The following GRID1 variants were observed in gnomAD, a reference collection of about 807,000 sequenced individuals.
The protein encoded by GRID1 is glutamate receptor ionotropic, delta-1.
Under a neutral mutation model 98.0 loss-of-function variants are expected in GRID1, and 28 were observed. The observed-to-expected ratio is 0.29, with a 90% CI of 0.21 to 0.39. The LOEUF (loss-of-function observed/expected upper bound fraction) is 0.39, where lower values mean the gene tolerates loss of function less well. GRID1 is among the 10% of genes least tolerant of loss of function. The pLI is 1.00. For synonymous variants in GRID1, 553 were observed against 538.5 expected, an observed-to-expected ratio of 1.03 and a Z score of -0.37; for missense variants, 1,111 against 1,340.5, an observed-to-expected ratio of 0.83 and a Z score of 2.67.
chr10:85,949,991 G>C (rs1007294750), intron 4 of GRID1, among the ~76,000 whole-genome samples: 2 of 152,038 alleles, frequency 1.3e-5, no homozygotes, highest in East Asian at 3.9e-4. Context: ...TGGATAGATG[G>C]GTGACTGGAT....
chr10:85,648,581 C>G (rs1843226631), intron 12 of GRID1, among the ~76,000 whole-genome samples: 1 of 152,200 alleles, frequency 6.6e-6, no homozygotes, highest in Admixed American at 6.5e-5. Flanking sequence ...CCTCCATCTT[C>G]CGGTCTCATC....
chr10:86,275,519 A>G (rs976518732), intron 2 of GRID1, among the ~76,000 whole-genome samples: 1 of 152,168 alleles, frequency 6.6e-6, no homozygotes. Context: ...TGGACAAAGA[A>G]CTAAAGAAAA....
chr10:86,045,237 T>C (rs1050395106), intron 4 of GRID1, among the ~76,000 whole-genome samples: 1 of 152,214 alleles, frequency 6.6e-6, no homozygotes, highest in Non-Finnish European at 1.5e-5. Context: ...CCCAGGGTTA[T>C]GCAACTATTA....
chr10:85,647,068 C>T (rs1185638734), intron 13 of GRID1, 134 bp downstream of exon 13: 15 of 712,036 alleles, frequency 2.1e-5, no homozygotes, highest in Middle Eastern at 4.1e-4. Flanking sequence ...ACCTAAAGAA[C>T]GTGTGCGATG....
chr10:85,908,852 C>G (rs1021248996), intron 5 of GRID1, among the ~76,000 whole-genome samples: 2 of 152,034 alleles, frequency 1.3e-5, no homozygotes, highest in South Asian at 2.1e-4. Flanking sequence ...AAAAATAGAT[C>G]AATGGAATAG....
rs1554843480 is a variant in GRID1, at chr10:85,972,453, A to ATGTATATATTTATATAAATATAT, written c.727-56237_727-56215dup. 9.5e-5 allele frequency among the ~76,000 whole-genome samples: 14 copies of ATGTATATATTTATATAAATATAT among 148,078 alleles called. No homozygotes were observed. In the South Asian group the frequency reaches 1.3e-3, roughly 13 times the overall value. The stretch of plus-strand genomic sequence containing the variant: ...ATATTTATATAACTATATTAAATAT[A>ATGTATATATTTATATAAATATAT]TGTATATATTTATATAAATATATTA... On this transcript the variant is annotated intron_variant, in intron 4 of 15. Transcript: ENST00000327946.
At position 86,255,398 on chromosome 10, in the gene GRID1, G is replaced by A. The variant is rs113704117; in HGVS notation, c.236-48750C>T. 2.0e-3 allele frequency among the ~76,000 whole-genome samples: 309 copies of A among 152,282 alleles called. 2 individuals carry two copies. The highest frequency in any genetic ancestry group is 6.9e-3 in the African/African-American group (288 of 41,554). The stretch of plus-strand genomic sequence containing the variant: ...GAGTGCAGCACAACTTGGAGGCTGG[G>A]TAGCACTTTTAGAGAAGCGCACTAA... On this transcript the variant is annotated intron_variant, in intron 2 of 15. Transcript: ENST00000327946.
intron 8 of GRID1, among the ~76,000 whole-genome samples, chr10:85,842,962 C>CA (rs34596984): frequency 0.069 from 10,444 of 151,548 alleles, 396 homozygotes; most frequent in Non-Finnish European, 0.082. Flanking sequence ...AAAAACAAAA[C>CA]AAAAAAAACC....
intron 2 of GRID1, among the ~76,000 whole-genome samples, chr10:86,278,206 G>T (rs781643932): frequency 3.3e-5 from 5 of 152,010 alleles, no homozygotes; most frequent in Non-Finnish European, 5.9e-5. Context: ...GTGAAAGGAT[G>T]GAAAAAGATA....
chr10:86,129,363 C>T (rs992515677), intron 4 of GRID1, among the ~76,000 whole-genome samples: 6 of 152,208 alleles, frequency 3.9e-5, no homozygotes, highest in Admixed American at 3.9e-4. Context: ...GCCTCCTCTC[C>T]CAACAGCACA....
chr10:86,039,746 T>G (rs1843320068), intron 4 of GRID1, among the ~76,000 whole-genome samples: 1 of 152,212 alleles, frequency 6.6e-6, no homozygotes, highest in Non-Finnish European at 1.5e-5. Context: ...TGTCGGGAAA[T>G]AGTGGAAAAT....
intron 2 of GRID1, among the ~76,000 whole-genome samples, chr10:86,209,721 G>T (rs1005652777): frequency 9.2e-5 from 14 of 152,016 alleles, no homozygotes; most frequent in Non-Finnish European, 2.1e-4. Flanking sequence ...AATTGTCCAG[G>T]AACTCCAATG....
chr10:85,872,010 A>G (rs1843282840), intron 5 of GRID1, among the ~76,000 whole-genome samples: 1 of 152,166 alleles, frequency 6.6e-6, no homozygotes, highest in African/African-American at 2.4e-5. Flanking sequence ...GACAATGTCC[A>G]TATCTCAGGA....
chr10:85,693,736 A>C (rs1841359094), intron 12 of GRID1, among the ~76,000 whole-genome samples: 1 of 152,192 alleles, frequency 6.6e-6, no homozygotes, highest in Non-Finnish European at 1.5e-5. Context: ...TGCCATATGC[A>C]AAAGAATGAA....
chr10:86,187,493 C>A (rs193196964), intron 3 of GRID1, among the ~76,000 whole-genome samples: 1 of 152,342 alleles, frequency 6.6e-6, no homozygotes, highest in East Asian at 1.9e-4. Context: ...TTACACTATC[C>A]TCCCAGGGTT....
chr10:86,113,465 G>A (rs1258413030), intron 4 of GRID1, among the ~76,000 whole-genome samples: 2 of 152,080 alleles, frequency 1.3e-5, no homozygotes, highest in African/African-American at 4.8e-5. Flanking sequence ...GCAATCAGAT[G>A]TTAGCTGAAA....
chr10:85,914,407 C>A (rs1489427477), intron 5 of GRID1, among the ~76,000 whole-genome samples: 1 of 152,144 alleles, frequency 6.6e-6, no homozygotes, highest in African/African-American at 2.4e-5. Flanking sequence ...GAAAACTGGA[C>A]TATGAAGAGC....
chr10:86,336,883 C>A (rs1848229478), intron 2 of GRID1, among the ~76,000 whole-genome samples: 2 of 146,086 alleles, frequency 1.4e-5, no homozygotes, highest in South Asian at 4.3e-4. Flanking sequence ...CTCGCTCTGT[C>A]GCCCAGGCTG....
chr10:85,725,823 C>T (rs946080335), intron 10 of GRID1, among the ~76,000 whole-genome samples: 1 of 152,178 alleles, frequency 6.6e-6, no homozygotes, highest in African/African-American at 2.4e-5. Flanking sequence ...GTAAAGGCAG[C>T]AAATAGGAAG....
Sources: gnomAD v4.1 joint callset for allele counts (sites outside exome capture counted in the v4.1 genomes callset) on GRCh38, gnomAD v4.1.1 for gene constraint, MANE v1.5 for transcripts, NCBI Gene and HGNC (gene_info 2026-07-23, HGNC 2026-07-21) for gene names.